The following PAM variants were observed in gnomAD, a reference collection of about 807,000 sequenced individuals.
PAM encodes peptidyl-glycine alpha-amidating monooxygenase.
A neutral mutation model predicts 122.1 loss-of-function variants in PAM; 72 were observed. The observed-to-expected ratio is 0.59, with a 90% CI of 0.49 to 0.72. The LOEUF is 0.72. Ranked by LOEUF, PAM falls within the 30% of genes least tolerant of loss-of-function variation. The pLI, the probability that PAM is intolerant of heterozygous loss-of-function variation, is 0.00. For missense variants in PAM, 1,106 were observed against 1,183.7 expected, an observed-to-expected ratio of 0.93 and a Z score of 0.96; for synonymous variants, 389 against 404.4, an observed-to-expected ratio of 0.96 and a Z score of 0.46.
chr5:102,892,684 T>C (rs1795078311), intron 3 of PAM, among the ~76,000 whole-genome samples: 1 of 151,854 alleles, frequency 6.6e-6, no homozygotes, highest in South Asian at 2.1e-4. Context: ...GAAATAAAAA[T>C]TTAAGCATCT....
At chr5:102,773,746 G>A (rs1338505153) in intron 1 of PAM, among the ~76,000 whole-genome samples, 1 of 151,668 alleles carries the variant, frequency 6.6e-6, no homozygotes, top group Non-Finnish European at 1.5e-5. Flanking sequence ...TTTATTTTAG[G>A]TTCTGGGGGT....
intron 1 of PAM, among the ~76,000 whole-genome samples, chr5:102,821,627 T>C (rs891347002): frequency 1.3e-5 from 2 of 152,200 alleles, no homozygotes; most frequent in Non-Finnish European, 2.9e-5. Flanking sequence ...GTCAGACACT[T>C]TTCTAAGCAC....
At chr5:102,926,697 A>G (rs1749683574) in intron 7 of PAM, 29 bp downstream of exon 7, 1 of 1,082,806 alleles carries the variant, frequency 9.2e-7, no homozygotes, top group Non-Finnish European at 1.4e-6. Flanking sequence ...GAACTAAGCA[A>G]AACTTCTAGT....
At chr5:102,886,448 T>C (rs1793122910) in intron 3 of PAM, among the ~76,000 whole-genome samples, 1 of 152,046 alleles carries the variant, frequency 6.6e-6, no homozygotes, top group Non-Finnish European at 1.5e-5. Context: ...CCCTTCTTTT[T>C]TTTAAATACC....
At chr5:102,951,024 T>C (rs1378981734) in intron 12 of PAM, among the ~76,000 whole-genome samples, 1 of 152,110 alleles carries the variant, frequency 6.6e-6, no homozygotes, top group African/African-American at 2.4e-5. Context: ...CTACTCTTTT[T>C]CTTACTTCCT....
chr5:102,977,789 C>A (rs1768225369), intron 15 of PAM, among the ~76,000 whole-genome samples: 1 of 151,934 alleles, frequency 6.6e-6, no homozygotes, highest in Non-Finnish European at 1.5e-5. Flanking sequence ...TAGAATATTG[C>A]AAGTCCAGGT....
At chr5:102,821,802 T>C (rs1772021929) in intron 1 of PAM, among the ~76,000 whole-genome samples, 1 of 152,062 alleles carries the variant, frequency 6.6e-6, no homozygotes, top group South Asian at 2.1e-4. Flanking sequence ...TCCCCATAGG[T>C]TCTTGGAAAA....
intron 1 of PAM, chr5:102,837,608 T>C (rs1043279209): frequency 2.0e-5 from 3 of 152,368 alleles, no homozygotes; most frequent in African/African-American, 7.2e-5. Flanking sequence ...AATGCATTCT[T>C]GTCAATTAAG....
At chr5:102,982,614 C>T (rs1291895373) in intron 15 of PAM, among the ~76,000 whole-genome samples, 1 of 152,214 alleles carries the variant, frequency 6.6e-6, no homozygotes, top group Non-Finnish European at 1.5e-5. Flanking sequence ...AGAGACACCA[C>T]TGATGCTGAT....
At chr5:102,790,308 A>C (rs1761721310) in intron 1 of PAM, among the ~76,000 whole-genome samples, 1 of 152,114 alleles carries the variant, frequency 6.6e-6, no homozygotes, top group Non-Finnish European at 1.5e-5. Flanking sequence ...ATAAAAAAAC[A>C]GTAACTTTAT....
chr5:102,855,004 A>G (rs1008488934), intron 1 of PAM, among the ~76,000 whole-genome samples: 2 of 152,190 alleles, frequency 1.3e-5, no homozygotes, highest in South Asian at 2.1e-4. Context: ...AAAAATTCAA[A>G]TGGTTGTCTT....
At chr5:103,023,733 T>A (rs1784251646) in intron 23 of PAM, among the ~76,000 whole-genome samples, 1 of 151,914 alleles carries the variant, frequency 6.6e-6, no homozygotes, top group Non-Finnish European at 1.5e-5. Context: ...GACTATGAGG[T>A]CATCTACAAA....
At chr5:102,765,120 A>G (rs536794749) in intron 1 of PAM, among the ~76,000 whole-genome samples, 1 of 152,164 alleles carries the variant, frequency 6.6e-6, no homozygotes, top group Admixed American at 6.5e-5. Context: ...AGTCTATGTG[A>G]TGTTATTTTT....
chr5:102,906,388 T>G (rs1421978793), intron 4 of PAM, among the ~76,000 whole-genome samples: 7 of 151,684 alleles, frequency 4.6e-5, no homozygotes, highest in Non-Finnish European at 8.9e-5. Context: ...GATAAAGGTA[T>G]GCAAAATTTC....
intron 4 of PAM, among the ~76,000 whole-genome samples, chr5:102,911,770 T>C (rs1363569552): frequency 2.6e-5 from 4 of 152,028 alleles, no homozygotes; most frequent in African/African-American, 9.7e-5. Flanking sequence ...TAATAGCTCC[T>C]TCTTTTTCCA....
chr5:102,972,856 G>A (rs1158167241), intron 14 of PAM, among the ~76,000 whole-genome samples: 1 of 152,118 alleles, frequency 6.6e-6, no homozygotes, highest in Admixed American at 6.5e-5. Flanking sequence ...TTTCACCTGG[G>A]ATAAGCTGAT....
intron 18 of PAM, 122 bp from the exon 19 acceptor site, chr5:103,006,676 CCTT>C: frequency 1.5e-6 from 1 of 684,702 alleles, no homozygotes; most frequent in Non-Finnish European, 2.6e-6. Context: ...AGTATTAATA[CCTT>C]CTTTTAAATA....
chr5:102,762,504 T>G (rs957489911), intron 1 of PAM, among the ~76,000 whole-genome samples: 1 of 152,152 alleles, frequency 6.6e-6, no homozygotes, highest in Non-Finnish European at 1.5e-5. Flanking sequence ...TGGGTTTCAA[T>G]GAGTGGAAGC....
At chr5:102,820,239 G>A (rs934071767) in intron 1 of PAM, among the ~76,000 whole-genome samples, 3 of 149,706 alleles carry the variant, frequency 2.0e-5, no homozygotes, top group African/African-American at 7.7e-5. Flanking sequence ...TCAAATCAGG[G>A]TCCTGTGTGT....
Sources: gnomAD v4.1 joint callset for allele counts (sites outside exome capture counted in the v4.1 genomes callset) on GRCh38, gnomAD v4.1.1 for gene constraint, MANE v1.5 for transcripts, NCBI Gene and HGNC (gene_info 2026-07-23, HGNC 2026-07-21) for gene names.